HIBCH: variants seen among roughly 807,000 people sequenced by gnomAD.
HIBCH encodes 3-hydroxyisobutyryl-CoA hydrolase, mitochondrial.
A neutral mutation model predicts 58.2 loss-of-function variants in HIBCH; 50 were observed. The ratio of observed to expected loss-of-function variants is 0.86; its 90% CI spans 0.68 to 1.09. The LOEUF (loss-of-function observed/expected upper bound fraction) is 1.09, where lower values mean the gene tolerates loss of function less well. Ranked by LOEUF, HIBCH falls within the 50% of genes least tolerant of loss-of-function variation. HIBCH has a pLI of 0.00. For missense variants in HIBCH, 450 were observed against 449.7 expected, an observed-to-expected ratio of 1.00 and a Z score of -0.01; for synonymous variants, 151 against 146.9, an observed-to-expected ratio of 1.03 and a Z score of -0.20.
intron 4 of HIBCH, among the ~76,000 whole-genome samples, chr2:190,292,466 A>G (rs1016834444): frequency 1.3e-5 from 2 of 152,146 alleles, no homozygotes; most frequent in Admixed American, 1.3e-4. Flanking sequence ...CGCCATGCCC[A>G]GCTAATTTTT....
At chr2:190,294,462 T>G (rs1688052106) in intron 4 of HIBCH, 84 bp downstream of exon 4, 2 of 927,260 alleles carry the variant, frequency 2.2e-6, no homozygotes, top group Non-Finnish European at 3.5e-6. Flanking sequence ...TAAAGCAAAT[T>G]ATAAATTATT....
chr2:190,247,358 C>T (rs1364953401), intron 9 of HIBCH, among the ~76,000 whole-genome samples: 1 of 152,126 alleles, frequency 6.6e-6, no homozygotes, highest in Non-Finnish European at 1.5e-5. Flanking sequence ...AAGCATAATT[C>T]ATCACATATT....
At chr2:190,213,656 A>G (rs1020246691) in intron 11 of HIBCH, 1 of 155,222 alleles carries the variant, frequency 6.4e-6, no homozygotes, top group African/African-American at 2.4e-5. Context: ...CATCCTGCCC[A>G]GCTACTTAGG....
chr2:190,285,247 G>C (rs1403149077), intron 6 of HIBCH, among the ~76,000 whole-genome samples: 3 of 152,118 alleles, frequency 2.0e-5, no homozygotes, highest in Non-Finnish European at 4.4e-5. Context: ...ATCCTTATGG[G>C]ATTTCTTTCC....
intron 5 of HIBCH, among the ~76,000 whole-genome samples, chr2:190,288,290 CTT>C (rs1687881382): frequency 6.6e-6 from 1 of 150,864 alleles, no homozygotes; most frequent in African/African-American, 2.4e-5. Flanking sequence ...TCAGTAGAAA[CTT>C]TTGTGAAACT....
intron 1 of HIBCH, among the ~76,000 whole-genome samples, chr2:190,319,348 TGC>T (rs1395531311): frequency 1.3e-5 from 2 of 152,196 alleles, no homozygotes; most frequent in Non-Finnish European, 2.9e-5. Context: ...CACCTGTGTG[TGC>T]TGGCTGCACA....
rs1690502464 is a variant in HIBCH, at chr2:190,211,046, T to C, written c.1011+1910A>G. ...GTAAGTTCCATGAGGGCAGGTGTTA[T>C]CCTACTCCCTACTCCCCAAGATAAT... On this transcript the variant is annotated intron_variant, in intron 12 of 13. Transcript: ENST00000359678. This position sits in a 1 kb window ranked among gnomAD's most constrained non-coding sequence, Gnocchi z 5.0. Among the ~76,000 whole-genome samples, 1 of 152,158 alleles carries C rather than the reference T, an allele frequency of 6.6e-6. No homozygotes were observed. Among genetic ancestry groups the C allele is most frequent in the Non-Finnish European group, 1.5e-5 (1 of 68,030 alleles).
chr2:190,278,189 G>C (rs1475272298), intron 6 of HIBCH, among the ~76,000 whole-genome samples: 1 of 151,980 alleles, frequency 6.6e-6, no homozygotes, highest in Non-Finnish European at 1.5e-5. Context: ...CTAAACTAGA[G>C]ATGGGGCAGG....
At chr2:190,226,594 T>A (rs2105915215) in intron 11 of HIBCH, among the ~76,000 whole-genome samples, 2 of 89,858 alleles carry the variant, frequency 2.2e-5, no homozygotes, top group African/African-American at 3.4e-5. Context: ...AAACTCCGTC[T>A]CAAAAAAAAA....
chr2:190,201,791 T>TC (rs1690251439), downstream of HIBCH: 1 of 166,992 alleles, frequency 6.0e-6, no homozygotes, highest in Non-Finnish European at 1.5e-5. Context: ...CCAAACCCAT[T>TC]CATACAAGGA....
intron 6 of HIBCH, among the ~76,000 whole-genome samples, chr2:190,273,990 C>CA (rs757918438): frequency 4.1e-4 from 62 of 152,194 alleles, no homozygotes; most frequent in Admixed American, 1.5e-3. Flanking sequence ...TTTGGAGACA[C>CA]AGAGTCTCGC....
chr2:190,252,275 A>G lies in HIBCH; in HGVS notation c.550T>C (p.Leu184=), dbSNP rs777785491. The change falls in exon 8 of 14, where the codon TTG becomes CTG. Residue 184 remains leucine (L), a synonymous_variant. Transcript: ENST00000359678. ...CCAAGTTTTCCTTGGAGTCGTGGCA[A>G]GAAATAACCTCCACCCACATCAGGG... ...LFPDVGGGYF[L]PRLQGKLGYF... is the part of the protein sequence containing the mutation. 45 of 1,613,542 alleles carry G rather than the reference A, an allele frequency of 2.8e-5. No individual in the cohort carries two copies. The highest frequency in any genetic ancestry group is 1.6e-4 in the Middle Eastern group (1 of 6,084).
At chr2:190,229,931 T>C (rs532390099) in intron 11 of HIBCH, among the ~76,000 whole-genome samples, 121 of 152,258 alleles carry the variant, frequency 7.9e-4, no homozygotes, top group African/African-American at 2.6e-3. Flanking sequence ...AATTGACAGG[T>C]AGCAAAAGTC....
chr2:190,213,993 C>G (rs778727094), intron 11 of HIBCH: 4 of 152,182 alleles, frequency 2.6e-5, no homozygotes, highest in African/African-American at 7.2e-5. Context: ...TGGGTTTGGA[C>G]GGGTGAATTG....
intron 11 of HIBCH, among the ~76,000 whole-genome samples, chr2:190,228,896 G>A (rs1424440175): frequency 3.9e-5 from 6 of 152,158 alleles, no homozygotes; most frequent in East Asian, 3.8e-4. Context: ...CAAAGAGGAC[G>A]TGATTCTTGC....
rs72093680 is a variant in HIBCH at position 190,244,130 on chromosome 2, AATAT to A, written c.891+753_891+756del. Among the ~76,000 whole-genome samples the A allele has an allele frequency of 2.7e-5, 4 of 150,052 alleles. No individual in the cohort carries two copies. The South Asian group carries it at 6.3e-4, about 24-fold the overall frequency. On this transcript the variant is annotated intron_variant, in intron 11 of 13. Coordinates refer to ENST00000359678, the MANE Select transcript of HIBCH (RefSeq NM_014362.4). ...ATTATGGAATCATGATGTGGAGCCT[AATAT>A]ATATATATATATACACACACACACA...
chr2:190,199,552 C>A, downstream of HIBCH: 1 of 275,746 alleles, frequency 3.6e-6, no homozygotes, highest in Non-Finnish European at 6.4e-6. Flanking sequence ...TTATCTTTTT[C>A]TTCTACTGAT....
chr2:190,265,455 C>CTTT (rs78459121), intron 6 of HIBCH, among the ~76,000 whole-genome samples: 4,905 of 142,006 alleles, frequency 0.035, 117 homozygotes, highest in East Asian at 0.13. Flanking sequence ...ATCTTTTGCT[C>CTTT]TTTTTTTTTT....
chr2:190,267,219 A>G (rs949727844), intron 6 of HIBCH, among the ~76,000 whole-genome samples: 12 of 151,848 alleles, frequency 7.9e-5, no homozygotes, highest in African/African-American at 2.9e-4. Context: ...GTTTTGTTTC[A>G]TTTTTTGGAG....
Sources: gnomAD v4.1 joint callset for allele counts (sites outside exome capture counted in the v4.1 genomes callset) on GRCh38, gnomAD v4.1.1 for gene constraint, Gnocchi (gnomAD v3.1) non-coding constraint, MANE v1.5 for transcripts, NCBI Gene and HGNC (gene_info 2026-07-23, HGNC 2026-07-21) for gene names.